METTL2A: variants seen among roughly 807,000 people sequenced by gnomAD.
The protein encoded by METTL2A is tRNA N(3)-cytidine methyltransferase METTL2A.
In METTL2A, 45 loss-of-function variants were observed where a neutral mutation model predicts 49.4. The observed-to-expected ratio is 0.91, with a 90% confidence interval of 0.72 to 1.17. The LOEUF is 1.17. Among genes scored for constraint, METTL2A ranks in the 50% most tolerant of loss-of-function variants. The pLI is 0.00. For missense variants in METTL2A, 361 were observed against 462.2 expected, an observed-to-expected ratio of 0.78 and a Z score of 2.01; for synonymous variants, 118 against 167.5, an observed-to-expected ratio of 0.70 and a Z score of 2.28.
chr17:62,441,572 G>A (rs555981447), intron 6 of METTL2A, among the ~76,000 whole-genome samples: 168 of 149,670 alleles, frequency 1.1e-3, no homozygotes, highest in Middle Eastern at 7.2e-3. Context: ...TCAACCTCCC[G>A]AGTAGCTGGG....
intron 4 of METTL2A, among the ~76,000 whole-genome samples, chr17:62,428,759 G>A (rs1276088314): frequency 2.0e-5 from 3 of 152,308 alleles, no homozygotes; most frequent in African/African-American, 2.4e-5. Context: ...ACACGGATGT[G>A]TTCACCAACC....
chr17:62,446,451 C>A (rs936106755), intron 7 of METTL2A, among the ~76,000 whole-genome samples: 1 of 152,154 alleles, frequency 6.6e-6, no homozygotes, highest in Non-Finnish European at 1.5e-5. Flanking sequence ...GCCGAGACTA[C>A]AGGCATGTGC....
In METTL2A at chr17:62,448,670, A is replaced by G. The variant is rs2070785036; in HGVS notation, c.1078A>G (p.Met360Val). 8.7e-6 allele frequency: 14 copies of G among 1,614,204 alleles called. No homozygotes were observed. Among genetic ancestry groups the G allele is most frequent in the Non-Finnish European group, 1.1e-5 (13 of 1,180,044 alleles). Residue 360 changes from methionine to valine, a missense_variant, in exon 9 of 9, where the codon ATG (methionine) becomes GTG (valine). By Grantham distance (21) the Met-to-Val change is conservative. This residue lies in a region of METTL2A where 183 missense variants were observed against 216.5 expected (regional missense o/e 0.85). Coordinates refer to ENST00000311506, the MANE Select transcript of METTL2A (RefSeq NM_181725.4). ...GGTGAACCGAGGAAAGCAACTGACAATGTACCGGGTTTGGATTCAGTGCAA... is the reference window on the plus strand; with the variant it reads ...GGTGAACCGAGGAAAGCAACTGACAGTGTACCGGGTTTGGATTCAGTGCAA... ...LQVNRGKQLT[M>V]YRVWIQCKYC...
At chr17:62,424,048 A>G (rs11543000) in intron 1 of METTL2A, 36 bp downstream of exon 1, 202,303 of 1,604,318 alleles carry the variant, frequency 0.13, 23,805 homozygotes, top group East Asian at 0.55. Flanking sequence ...CCTGTCGCTG[A>G]CCCTCTGTCC....
Position 62,440,618 on chromosome 17 carries a change from C to G in METTL2A, c.671C>G (p.Thr224Arg), listed in dbSNP as rs977177678. 1.2e-6 allele frequency: 2 copies of G among 1,608,934 alleles called. No homozygotes were observed. The highest frequency in any genetic ancestry group is 2.2e-5 in the South Asian group (2 of 90,230). Residue 224 changes from threonine to arginine, a missense_variant and splice_region_variant, in exon 6 of 9, where the codon ACA (threonine) becomes AGA (arginine). Physicochemically the swap from Thr to Arg is moderately conservative, Grantham distance 71. Around this residue, in one of 3 missense-constraint regions of METTL2A, gnomAD observed 183 missense variants for 216.5 expected, o/e 0.85. Transcript: ENST00000311506. ...CCTGTGTCTTCCATCTGTCTGCAGA[C>G]AAATTCAGAATATGATCCTTCTCGG... ...FSSTAIELVQ[T>R]NSEYDPSRCF...
chr17:62,428,872 C>T (rs1419289516), intron 4 of METTL2A, among the ~76,000 whole-genome samples: 1 of 152,230 alleles, frequency 6.6e-6, no homozygotes, highest in African/African-American at 2.4e-5. Flanking sequence ...CAGGCTCAAA[C>T]TCCTAGGCTC....
intron 4 of METTL2A, among the ~76,000 whole-genome samples, chr17:62,434,085 T>C (rs1179612264): frequency 2.0e-5 from 3 of 152,144 alleles, no homozygotes; most frequent in African/African-American, 7.2e-5. Context: ...TGCAGCTGCC[T>C]GGCTGATTAG....
In METTL2A at chr17:62,451,532, G is replaced by A. The variant is rs1277567208; in HGVS notation, c.*2803G>A. 6.6e-6 allele frequency among the ~76,000 whole-genome samples: 1 copy of A among 151,364 alleles called. No homozygotes were observed. The highest frequency in any genetic ancestry group is 2.4e-5 in the African/African-American group (1 of 41,296). On this transcript the variant is annotated 3_prime_UTR_variant, in exon 9 of 9. Transcript: ENST00000311506. ...AATCCCAGCACTTTGGGAGGCCAAGGTGGGCGGATCATTTGAGGTCGGGAG... is the reference window on the plus strand; with the variant it reads ...AATCCCAGCACTTTGGGAGGCCAAGATGGGCGGATCATTTGAGGTCGGGAG...
rs3207639 is a variant in METTL2A, at chr17:62,448,955, T to C, written c.*226T>C. 1 of 515,462 alleles carries C rather than the reference T, an allele frequency of 1.9e-6. No individual in the cohort carries two copies. Among genetic ancestry groups the C allele is most frequent in the East Asian group, 3.6e-5 (1 of 27,512 alleles). 31.9% of individuals were successfully genotyped at this position (515,462 alleles called of 1,614,324 possible). On this transcript the variant is annotated 3_prime_UTR_variant, in exon 9 of 9. Coordinates refer to ENST00000311506, the MANE Select transcript of METTL2A (RefSeq NM_181725.4). The stretch of plus-strand genomic sequence containing the variant: ...AAATATAAATGAGGTCTCGTTGATG[T>C]TGGACAATTCAAGAATTCAGACTTG...
In METTL2A at chr17:62,451,395, G is replaced by T. The variant is rs373572013; in HGVS notation, c.*2666G>T. Among the ~76,000 whole-genome samples the T allele has an allele frequency of 1.3e-5, 2 of 150,576 alleles. No homozygotes were observed. Among genetic ancestry groups the T allele is most frequent in the East Asian group, 2.0e-4 (1 of 5,022 alleles). ...ACTCCCGACCTCAGGTGATCTGCCC[G>T]CCTTGGCCTCCCAAAGTGCTGGGAT... On this transcript the variant is annotated 3_prime_UTR_variant, in exon 9 of 9. Transcript: ENST00000311506.
chr17:62,440,370 A>G (rs2070730864), intron 5 of METTL2A, among the ~76,000 whole-genome samples: 2 of 152,144 alleles, frequency 1.3e-5, no homozygotes, highest in Admixed American at 1.3e-4. Context: ...TCACCAATCT[A>G]TATAATGATT....
At chr17:62,431,098 C>T (rs1030414746) in intron 4 of METTL2A, among the ~76,000 whole-genome samples, 3 of 152,094 alleles carry the variant, frequency 2.0e-5, no homozygotes, top group African/African-American at 7.2e-5. Flanking sequence ...CTCCCGACTT[C>T]AGGTGATCCA....
Position 62,452,706 on chromosome 17 carries a change from C to G in METTL2A, c.*3977C>G, listed in dbSNP as rs1162640062. ...ACTGCTCACTGCAGCCTCGACCTCC[C>G]AGGCTCAGGTGATTCTCCCACCCCA... On this transcript the variant is annotated 3_prime_UTR_variant, in exon 9 of 9. Transcript: ENST00000311506. Among the ~76,000 whole-genome samples, 3 of 152,190 alleles carry G rather than the reference C, an allele frequency of 2.0e-5. No homozygotes were observed. The highest frequency in any genetic ancestry group is 4.4e-5 in the Non-Finnish European group (3 of 68,038).
chr17:62,446,499 G>A (rs1732680547), intron 7 of METTL2A, among the ~76,000 whole-genome samples: 1 of 152,044 alleles, frequency 6.6e-6, no homozygotes, highest in Admixed American at 6.6e-5. Flanking sequence ...TTTTAGTAGA[G>A]ACAGGGTTTC....
Position 62,449,398 on chromosome 17 carries a change from T to C in METTL2A, c.*669T>C, listed in dbSNP as rs1227781841. The C allele has an allele frequency of 1.3e-5, 6 of 453,042 alleles. No individual in the cohort carries two copies. The East Asian group carries it at 4.2e-4, about 32-fold the overall frequency. The allele number at this position is 453,042 out of a possible 1,614,324, so 28.1% of individuals were successfully genotyped here. On this transcript the variant is annotated 3_prime_UTR_variant, in exon 9 of 9. Coordinates refer to ENST00000311506, the MANE Select transcript of METTL2A (RefSeq NM_181725.4). ...AAAATGTGGTGTTCTTGTTAAGTAA[T>C]TGATCGTGGTCTTCGCTTTAATCTT... is the stretch of plus-strand genomic sequence containing the variant.
chr17:62,446,413 C>A (rs1221160409), intron 7 of METTL2A, among the ~76,000 whole-genome samples: 1 of 152,162 alleles, frequency 6.6e-6, no homozygotes, highest in Non-Finnish European at 1.5e-5. Context: ...TGGGTTCAAG[C>A]AATTCTCCTG....
intron 2 of METTL2A, among the ~76,000 whole-genome samples, chr17:62,425,636 C>T (rs113346828): frequency 9.5e-5 from 14 of 148,116 alleles, no homozygotes; most frequent in Admixed American, 3.4e-4. Flanking sequence ...CCGCCCACCT[C>T]AGCCTCCCAA....
intron 5 of METTL2A, among the ~76,000 whole-genome samples, chr17:62,439,268 C>T (rs978855449): frequency 6.0e-5 from 9 of 150,774 alleles, no homozygotes; most frequent in African/African-American, 2.2e-4. Flanking sequence ...GGCATGCACC[C>T]GGCATTTTTT....
rs2070691933 is a variant in METTL2A, at chr17:62,435,168, A to G, written c.609-64A>G. Reference sequence around the variant, plus strand: ...ATTTGATATTTTAACTGTGCTACACAAGAATGAGAGTAGACATAGCTCGAT... The same window carrying G: ...ATTTGATATTTTAACTGTGCTACACGAGAATGAGAGTAGACATAGCTCGAT... On this transcript the variant is annotated intron_variant, in intron 4 of 8. Coordinates refer to ENST00000311506, the MANE Select transcript of METTL2A (RefSeq NM_181725.4). 13 of 1,611,642 alleles carry G rather than the reference A, an allele frequency of 8.1e-6. No individual in the cohort carries two copies. The East Asian group carries it at 2.5e-4, about 30-fold the overall frequency.
Sources: gnomAD v4.1 joint callset for allele counts (sites outside exome capture counted in the v4.1 genomes callset) on GRCh38, gnomAD v4.1.1 for gene constraint, gnomAD v4.1.1 regional missense constraint, MANE v1.5 for transcripts, NCBI Gene and HGNC (gene_info 2026-07-23, HGNC 2026-07-21) for gene names.